ALG9: variants seen among roughly 807,000 people sequenced by gnomAD.
ALG9 encodes ALG9 alpha-1,2-mannosyltransferase.
A neutral mutation model predicts 81.8 loss-of-function variants in ALG9; 55 were observed. The observed-to-expected ratio is 0.67, with a 90% CI of 0.54 to 0.84. The LOEUF is 0.84. Among genes scored for constraint, ALG9 ranks in the 40% least tolerant of loss-of-function variants. ALG9 has a pLI of 0.00. For synonymous variants in ALG9, 278 were observed against 274.3 expected (o/e 1.01, Z -0.13); for missense variants, 629 against 745.0 (o/e 0.84, Z 1.81).
At position 111,870,382 on chromosome 11, in the gene ALG9, C is replaced by CCAAAAAAA. The variant is rs1555157382; in HGVS notation, c.132-13_132-12insTTTTTTTG. On this transcript the variant is annotated splice_polypyrimidine_tract_variant and intron_variant, in intron 1 of 14. Transcript: ENST00000616540. ...TGTTCCCAGATAACCTGTTCAAAAG[C>CCAAAAAAA]AAAAAAAAAAAAAAAAAAAAAAGCA... The CCAAAAAAA allele has an allele frequency of 9.7e-5, 94 of 973,880 alleles. 3 individuals carry two copies. Among genetic ancestry groups the CCAAAAAAA allele is most frequent in the South Asian group, 4.7e-4 (20 of 42,892 alleles). The allele number at this position is 973,880 out of a possible 1,614,324, so 60.3% of individuals were successfully genotyped here.
intron 13 of ALG9, among the ~76,000 whole-genome samples, chr11:111,818,403 C>T (rs1033924731): frequency 6.6e-6 from 1 of 152,158 alleles, no homozygotes; most frequent in Non-Finnish European, 1.5e-5. Flanking sequence ...CACCATCAAA[C>T]ATGCAGTCTG....
chr11:111,806,583 C>G (rs1949963741), intron 14 of ALG9, among the ~76,000 whole-genome samples: 1 of 152,120 alleles, frequency 6.6e-6, no homozygotes, highest in African/African-American at 2.4e-5. Context: ...TCTCCCTAAT[C>G]TCTACACACT....
At chr11:111,792,043 A>G (rs1237977694) in intron 14 of ALG9, among the ~76,000 whole-genome samples, 1 of 152,180 alleles carries the variant, frequency 6.6e-6, no homozygotes, top group Non-Finnish European at 1.5e-5. Flanking sequence ...AGATTGTGCC[A>G]CTGCACTCCA....
chr11:111,813,566 T>A (rs1462906351), intron 13 of ALG9, among the ~76,000 whole-genome samples: 1 of 151,946 alleles, frequency 6.6e-6, no homozygotes, highest in East Asian at 1.9e-4. Flanking sequence ...ACATTAAGAA[T>A]TAAAAAAACA....
chr11:111,793,499 C>T (rs568790023), intron 14 of ALG9, among the ~76,000 whole-genome samples: 35 of 151,882 alleles, frequency 2.3e-4, no homozygotes, highest in Admixed American at 1.2e-3. Context: ...TGGTGGCTCA[C>T]GCCTGTAATC....
At chr11:111,842,859 T>G (rs1339060639) in intron 9 of ALG9, among the ~76,000 whole-genome samples, 1 of 152,218 alleles carries the variant, frequency 6.6e-6, no homozygotes, top group Non-Finnish European at 1.5e-5. Flanking sequence ...TACTTAAAAT[T>G]TTATCATACT....
At chr11:111,781,365 A>G (rs1349886099), downstream of ALG9, among the ~76,000 whole-genome samples, 1 of 152,188 alleles carries the variant, frequency 6.6e-6, no homozygotes, top group African/African-American at 2.4e-5. Flanking sequence ...GCTACTTAAG[A>G]GGTTGAGGCA....
At chr11:111,814,093 C>T (rs1404033344) in intron 13 of ALG9, among the ~76,000 whole-genome samples, 5 of 152,130 alleles carry the variant, frequency 3.3e-5, no homozygotes, top group African/African-American at 7.2e-5. Context: ...GTGGTGTTAT[C>T]TGTAGTAACC....
At chr11:111,841,864 C>A (rs940157058) in intron 9 of ALG9, among the ~76,000 whole-genome samples, 36 of 152,090 alleles carry the variant, frequency 2.4e-4, no homozygotes, top group African/African-American at 8.5e-4. Context: ...AGAATATATA[C>A]CTTTCTAGGT....
intron 6 of ALG9, among the ~76,000 whole-genome samples, chr11:111,855,244 T>C (rs930546775): frequency 6.6e-6 from 1 of 152,222 alleles, no homozygotes. Context: ...TTAAAAACCC[T>C]TTAAAAACGT....
At chr11:111,813,499 G>A (rs933773585) in intron 13 of ALG9, among the ~76,000 whole-genome samples, 3 of 152,208 alleles carry the variant, frequency 2.0e-5, no homozygotes, top group Non-Finnish European at 4.4e-5. Flanking sequence ...CTACTTGGGA[G>A]GCTGGGGCAG....
intron 13 of ALG9, among the ~76,000 whole-genome samples, chr11:111,819,831 C>G (rs1459641633): frequency 2.0e-5 from 3 of 152,172 alleles, no homozygotes; most frequent in Non-Finnish European, 4.4e-5. Flanking sequence ...CACAATACAC[C>G]TGGTGCCTGG....
intron 13 of ALG9, among the ~76,000 whole-genome samples, chr11:111,819,320 C>T (rs1272373047): frequency 1.3e-5 from 2 of 152,188 alleles, no homozygotes; most frequent in African/African-American, 4.8e-5. Context: ...GACAATGACG[C>T]AAGTAGCTGT....
At chr11:111,871,224 G>A in intron 1 of ALG9, 128 bp downstream of exon 1, 1 of 1,312,758 alleles carries the variant, frequency 7.6e-7, no homozygotes, top group East Asian at 3.2e-5. Flanking sequence ...TAGCTGAAGA[G>A]GGAGCTCGGG....
At chr11:111,808,972 C>A (rs1950309991) in intron 14 of ALG9, among the ~76,000 whole-genome samples, 2 of 152,198 alleles carry the variant, frequency 1.3e-5, no homozygotes, top group Non-Finnish European at 2.9e-5. Context: ...CCTGGCTGAG[C>A]CTTGAGCCTG....
intron 13 of ALG9, among the ~76,000 whole-genome samples, chr11:111,818,168 G>A (rs1951802588): frequency 6.6e-6 from 1 of 152,218 alleles, no homozygotes; most frequent in Admixed American, 6.5e-5. Context: ...GGGTGACATT[G>A]AGGAAAGATG....
intron 14 of ALG9, among the ~76,000 whole-genome samples, chr11:111,794,675 TCCATCCATCCAC>T (rs1250133305): frequency 6.6e-6 from 1 of 152,082 alleles, no homozygotes; most frequent in Non-Finnish European, 1.5e-5. Context: ...TATCTATCCA[TCCATCCATCCAC>T]CCATCCATCC....
chr11:111,868,771 C>T (rs192409741), intron 2 of ALG9, 35 bp from the exon 3 acceptor site: 326 of 1,545,572 alleles, frequency 2.1e-4, no homozygotes, highest in Non-Finnish European at 2.8e-4. Context: ...CAGGGTTATA[C>T]TGGCCAAAAA....
At chr11:111,788,829 A>G (rs1946897177) in intron 14 of ALG9, among the ~76,000 whole-genome samples, 1 of 152,200 alleles carries the variant, frequency 6.6e-6, no homozygotes, top group South Asian at 2.1e-4. Context: ...GAAAGATGCA[A>G]AATAGAGCAA....
Sources: allele counts gnomAD v4.1 joint callset (sites outside exome capture counted in the v4.1 genomes callset), GRCh38; gene constraint gnomAD v4.1.1; transcripts MANE v1.5; gene names NCBI Gene and HGNC (gene_info 2026-07-23, HGNC 2026-07-21).